Variants in EMSY observed in about 807,000 individuals in gnomAD.
EMSY encodes the protein EMSY transcriptional repressor, BRCA2 interacting, also known as BRCA2-interacting transcriptional repressor EMSY.
In EMSY, 26 loss-of-function variants were observed where a neutral mutation model predicts 134.6. The observed-to-expected ratio is 0.19, with a 90% CI of 0.14 to 0.27. The LOEUF is 0.27. Ranked by LOEUF, EMSY falls within the 10% of genes least tolerant of loss-of-function variation. The pLI is 1.00. For synonymous variants in EMSY, 579 were observed against 577.8 expected (o/e 1.00, Z -0.03); for missense variants, 1,305 against 1,611.4 (o/e 0.81, Z 3.26).
intron 17 of EMSY, among the ~76,000 whole-genome samples, chr11:76,541,671 A>T (rs1183939664): frequency 6.6e-6 from 1 of 152,188 alleles, no homozygotes; most frequent in African/African-American, 2.4e-5. Flanking sequence ...TATCACCCAG[A>T]CCTTTAGATT....
At chr11:76,465,803 G>C (rs965002000) in intron 7 of EMSY, among the ~76,000 whole-genome samples, 6 of 152,168 alleles carry the variant, frequency 3.9e-5, no homozygotes, top group Admixed American at 2.0e-4. Flanking sequence ...CTAAAAAGGT[G>C]ACAGAAAGCT....
intron 8 of EMSY, among the ~76,000 whole-genome samples, chr11:76,479,326 G>A (rs917561232): frequency 6.6e-6 from 1 of 152,160 alleles, no homozygotes. Context: ...AGTTTATTCA[G>A]CGTTCCCAAG....
chr11:76,527,321 T>C (rs891496475), intron 13 of EMSY, among the ~76,000 whole-genome samples: 1 of 152,108 alleles, frequency 6.6e-6, no homozygotes, highest in African/African-American at 2.4e-5. Context: ...TATAGCCAAA[T>C]ACTTTACGTA....
intron 7 of EMSY, among the ~76,000 whole-genome samples, chr11:76,465,778 G>A (rs534610717): frequency 1.2e-3 from 176 of 152,128 alleles, no homozygotes; most frequent in African/African-American, 3.8e-3. Flanking sequence ...GTCTGCTTAC[G>A]AATGAAAATA....
At chr11:76,449,743 C>A (rs1362558960) in intron 2 of EMSY, among the ~76,000 whole-genome samples, 1 of 152,116 alleles carries the variant, frequency 6.6e-6, no homozygotes, top group South Asian at 2.1e-4. Flanking sequence ...CCATTTTTAC[C>A]GTTCTCTGTT....
chr11:76,503,821 G>C (rs1484412871), intron 9 of EMSY, among the ~76,000 whole-genome samples: 1 of 152,178 alleles, frequency 6.6e-6, no homozygotes. Context: ...GTCTTGCTCT[G>C]TCACCCAGGC....
At chr11:76,507,859 CTTTTTCT>C (rs1219387720) in intron 9 of EMSY, among the ~76,000 whole-genome samples, 1,569 of 111,460 alleles carry the variant, frequency 0.014, 7 homozygotes, top group African/African-American at 0.042. Context: ...TTTTCTTTTT[CTTTTTCT>C]TTTTTTTTTT....
At chr11:76,447,855 G>A (rs891141348) in intron 2 of EMSY, among the ~76,000 whole-genome samples, 5 of 152,070 alleles carry the variant, frequency 3.3e-5, no homozygotes, top group African/African-American at 1.2e-4. Context: ...GTAGTCTCTG[G>A]CTAGCACAAT....
At chr11:76,512,052 TC>T (rs1458075488) in intron 9 of EMSY, among the ~76,000 whole-genome samples, 1 of 152,188 alleles carries the variant, frequency 6.6e-6, no homozygotes, top group African/African-American at 2.4e-5. Flanking sequence ...AATAAATAGA[TC>T]TGTTTGCTTC....
At chr11:76,520,993 G>A (rs1445854930) in intron 11 of EMSY, among the ~76,000 whole-genome samples, 1 of 152,156 alleles carries the variant, frequency 6.6e-6, no homozygotes, top group Non-Finnish European at 1.5e-5. Context: ...GAAATTACAG[G>A]AGCAAAAGTA....
intron 6 of EMSY, among the ~76,000 whole-genome samples, chr11:76,461,854 C>G (rs1215796197): frequency 6.6e-6 from 1 of 150,380 alleles, no homozygotes; most frequent in East Asian, 2.0e-4. Flanking sequence ...ATCACTTGAA[C>G]CTGGGAGGCA....
intron 4 of EMSY, chr11:76,453,787 G>A (rs945831170): frequency 6.5e-6 from 1 of 152,808 alleles, no homozygotes; most frequent in Non-Finnish European, 1.5e-5. Flanking sequence ...TAACTTTTTT[G>A]ATATCTGACT....
chr11:76,543,894 G>T (rs573003654), intron 18 of EMSY, among the ~76,000 whole-genome samples: 4 of 152,270 alleles, frequency 2.6e-5, no homozygotes, highest in African/African-American at 7.2e-5. Context: ...CTCATGGCTT[G>T]GTTACCGCTT....
chr11:76,525,775 CCCTT>C (rs927743871), intron 12 of EMSY, among the ~76,000 whole-genome samples: 1 of 151,846 alleles, frequency 6.6e-6, no homozygotes. Flanking sequence ...TCTGAGTTTT[CCCTT>C]CCTTTTTTTC....
At chr11:76,483,540 A>G (rs576343234) in intron 8 of EMSY, among the ~76,000 whole-genome samples, 1 of 152,242 alleles carries the variant, frequency 6.6e-6, no homozygotes, top group Non-Finnish European at 1.5e-5. Flanking sequence ...TAGGCTCAAA[A>G]TAAAGGGATG....
intron 4 of EMSY, among the ~76,000 whole-genome samples, chr11:76,455,353 T>C (rs1471384390): frequency 6.6e-6 from 1 of 152,152 alleles, no homozygotes; most frequent in Non-Finnish European, 1.5e-5. Flanking sequence ...ATCTACTTGT[T>C]GAGCTCAAGG....
chr11:76,494,044 G>A (rs190159151), intron 8 of EMSY, among the ~76,000 whole-genome samples: 75 of 152,374 alleles, frequency 4.9e-4, no homozygotes, highest in East Asian at 2.1e-3. Flanking sequence ...GCGGATGCCC[G>A]CAGCAGAAGC....
rs765676163 is a variant in EMSY, at chr11:76,549,926, A to G, written c.3775-26A>G. 5 of 1,528,312 alleles carry G rather than the reference A, an allele frequency of 3.3e-6. No individual in the cohort carries two copies. In the East Asian group the frequency reaches 1.2e-4, roughly 36 times the overall value. The allele number at this position is 1,528,312 out of a possible 1,614,324, so 94.7% of individuals were successfully genotyped here. On this transcript the variant is annotated intron_variant, in intron 20 of 20. Coordinates refer to ENST00000334736, the Ensembl canonical transcript of EMSY. ...ATTCTGCTACCTTTTCTTACCATAA[A>G]GATTCTCCTGTGTCTTCTCTTCCAG...
At chr11:76,488,532 T>G (rs1233199250) in intron 8 of EMSY, among the ~76,000 whole-genome samples, 2 of 151,896 alleles carry the variant, frequency 1.3e-5, no homozygotes, top group African/African-American at 4.8e-5. Flanking sequence ...CTATTTTTTT[T>G]TTGTTTTTTT....
Sources: gnomAD v4.1 joint callset for allele counts (sites outside exome capture counted in the v4.1 genomes callset) on GRCh38, gnomAD v4.1.1 for gene constraint, MANE v1.5 for transcripts, NCBI Gene and HGNC (gene_info 2026-07-23, HGNC 2026-07-21) for gene names.